Variants in THSD4 observed in about 807,000 individuals in gnomAD.
THSD4 encodes the protein thrombospondin type 1 domain containing 4, also known as thrombospondin type-1 domain-containing protein 4.
A neutral mutation model predicts 119.0 loss-of-function variants in THSD4; 69 were observed. The ratio of observed to expected loss-of-function variants is 0.58; its 90% CI spans 0.48 to 0.71. THSD4 has a LOEUF of 0.71. Ranked by LOEUF, THSD4 falls within the 30% of genes least tolerant of loss-of-function variation. THSD4 has a pLI of 0.00. For synonymous variants in THSD4, 524 were observed against 540.4 expected (o/e 0.97, Z 0.42); for missense variants, 1,393 against 1,391.1 (o/e 1.00, Z -0.02).
intron 7 of THSD4, among the ~76,000 whole-genome samples, chr15:71,504,869 T>G (rs183210795): frequency 6.6e-6 from 1 of 152,358 alleles, no homozygotes; most frequent in East Asian, 1.9e-4. Context: ...CATGTAGTCA[T>G]CATGTCTCCT....
At chr15:71,750,401 T>C (rs1250935733) in intron 14 of THSD4, among the ~76,000 whole-genome samples, 2 of 152,222 alleles carry the variant, frequency 1.3e-5, no homozygotes, top group African/African-American at 4.8e-5. Context: ...TTTCTCTCCC[T>C]CTGCGGTGTA....
rs542227412 is a variant in THSD4, at chr15:71,215,431, C to G, written c.464+32C>G. The G allele has an allele frequency of 6.5e-5, 96 of 1,484,150 alleles. No homozygotes were observed. In the South Asian group the frequency reaches 1.0e-3, roughly 16 times the overall value. 91.9% of individuals were successfully genotyped at this position (1,484,150 alleles called of 1,614,324 possible). A position where few individuals can be genotyped will look rare whatever the true frequency, so the allele number is the denominator to read the frequency against. Reference sequence around the variant, plus strand: ...GCCCGCCCTTGTCTGTGCCGCTCCCCGTCCCTGTCCCAGTATCTGCCCCTG... The same window carrying G: ...GCCCGCCCTTGTCTGTGCCGCTCCCGGTCCCTGTCCCAGTATCTGCCCCTG... On this transcript the variant is annotated intron_variant, in intron 4 of 17. Transcript: ENST00000261862.
intron 1 of THSD4, among the ~76,000 whole-genome samples, chr15:71,119,629 A>T (rs1274188319): frequency 6.6e-6 from 1 of 152,180 alleles, no homozygotes; most frequent in African/African-American, 2.4e-5. Context: ...CCCACCTGCC[A>T]CCAGACTCAC....
intron 8 of THSD4, among the ~76,000 whole-genome samples, chr15:71,705,265 T>G (rs2052372334): frequency 6.6e-6 from 1 of 152,102 alleles, no homozygotes; most frequent in Admixed American, 6.5e-5. Context: ...TGAACTTTCA[T>G]TTTGAGGACA....
At chr15:71,711,079 A>G (rs891424399) in intron 8 of THSD4, among the ~76,000 whole-genome samples, 1 of 147,438 alleles carries the variant, frequency 6.8e-6, no homozygotes, top group Non-Finnish European at 1.5e-5. Context: ...CAAAATATAT[A>G]TATGTATATA....
chr15:71,241,715 T>C (rs2044154701), intron 4 of THSD4, among the ~76,000 whole-genome samples: 1 of 152,084 alleles, frequency 6.6e-6, no homozygotes, highest in Non-Finnish European at 1.5e-5. Flanking sequence ...AAATCAGGGC[T>C]TCTACCCTGT....
At chr15:71,640,516 T>C (rs529653485) in intron 7 of THSD4, among the ~76,000 whole-genome samples, 57 of 152,282 alleles carry the variant, frequency 3.7e-4, no homozygotes, top group African/African-American at 1.3e-3. Context: ...ATTTCAGTGA[T>C]GTAAGTTGAG....
At chr15:71,409,154 T>TCCCC (rs758192926) in intron 6 of THSD4, among the ~76,000 whole-genome samples, 2 of 83,800 alleles carry the variant, frequency 2.4e-5, no homozygotes, top group Non-Finnish European at 4.9e-5. Flanking sequence ...GCTTTTTTTT[T>TCCCC]TCCCCCCCCC....
chr15:71,503,913 TTGTC>T (rs1399236941), intron 7 of THSD4, among the ~76,000 whole-genome samples: 2 of 152,330 alleles, frequency 1.3e-5, no homozygotes, highest in East Asian at 1.9e-4. Context: ...AATGGAATCT[TTGTC>T]TGTGCTGTAA....
At chr15:71,626,110 G>A (rs1405743982) in intron 7 of THSD4, among the ~76,000 whole-genome samples, 3 of 152,182 alleles carry the variant, frequency 2.0e-5, no homozygotes, top group Admixed American at 2.0e-4. Flanking sequence ...GTGCTATTGT[G>A]AAGAGTATGT....
At chr15:71,382,779 A>G (rs62015551) in intron 6 of THSD4, among the ~76,000 whole-genome samples, 7,606 of 152,274 alleles carry the variant, frequency 0.05, 253 homozygotes, top group Non-Finnish European at 0.075. Context: ...GTATTTTCTC[A>G]TAACACAATT....
chr15:71,728,733 G>A lies in THSD4; in HGVS notation c.1533+9G>A, dbSNP rs1438700792. ...AGATCTTGGATGTCTACGTGAGTTT[G>A]GATGTTTCTGGACTGTTCTTTGGAT... On this transcript the variant is annotated intron_variant, in intron 9 of 17. Transcript: ENST00000261862. The A allele has an allele frequency of 6.2e-7, 1 of 1,613,646 alleles. No individual in the cohort carries two copies. The highest frequency in any genetic ancestry group is 1.1e-5 in the South Asian group (1 of 91,076).
intron 7 of THSD4, among the ~76,000 whole-genome samples, chr15:71,463,440 C>G (rs1434831083): frequency 6.6e-6 from 1 of 152,222 alleles, no homozygotes; most frequent in East Asian, 1.9e-4. Flanking sequence ...ATACCGTCAT[C>G]TGGTCCGCAT....
intron 6 of THSD4, among the ~76,000 whole-genome samples, chr15:71,279,794 A>C (rs947761550): frequency 6.6e-6 from 1 of 152,088 alleles, no homozygotes; most frequent in African/African-American, 2.4e-5. Flanking sequence ...TAAAAAAAAA[A>C]AACACAAAGA....
In THSD4 at chr15:71,345,295, G is replaced by A. The variant is rs192594716; in HGVS notation, c.1016-66392G>A. 2.0e-5 allele frequency among the ~76,000 whole-genome samples: 3 copies of A among 152,216 alleles called. No individual in the cohort carries two copies. The East Asian group carries it at 5.8e-4, about 29-fold the overall frequency. ...CTGCCAGATAGAAAGGGCTTTTCAA[G>A]TGCCAGCAGCTCCCATCCTGGGCCA... On this transcript the variant is annotated intron_variant, in intron 6 of 17. Transcript: ENST00000261862.
intron 8 of THSD4, among the ~76,000 whole-genome samples, chr15:71,680,642 A>G (rs2051753834): frequency 6.6e-6 from 1 of 152,242 alleles, no homozygotes; most frequent in South Asian, 2.1e-4. Flanking sequence ...CACTGGCCAA[A>G]GGACCCAAAG....
At chr15:71,597,310 A>C (rs571620625) in intron 7 of THSD4, among the ~76,000 whole-genome samples, 19 of 152,246 alleles carry the variant, frequency 1.2e-4, no homozygotes, top group Admixed American at 9.8e-4. Flanking sequence ...TTAGCAATTG[A>C]TATGTATTAT....
chr15:71,477,666 T>C (rs868544966), intron 7 of THSD4, among the ~76,000 whole-genome samples: 3 of 152,160 alleles, frequency 2.0e-5, no homozygotes, highest in Non-Finnish European at 4.4e-5. Context: ...TCTTCTCCCA[T>C]TGTTTCAGCC....
chr15:71,464,225 G>T (rs2047467754), intron 7 of THSD4, among the ~76,000 whole-genome samples: 2 of 152,166 alleles, frequency 1.3e-5, no homozygotes, highest in Admixed American at 6.5e-5. Flanking sequence ...CAATCACCAT[G>T]GGTAGGATAT....
Sources: gnomAD v4.1 joint callset for allele counts (sites outside exome capture counted in the v4.1 genomes callset) on GRCh38, gnomAD v4.1.1 for gene constraint, MANE v1.5 for transcripts, NCBI Gene and HGNC (gene_info 2026-07-23, HGNC 2026-07-21) for gene names.